SPOUT1: variants seen among roughly 807,000 people sequenced by gnomAD.
SPOUT1 encodes SPOUT domain containing methyltransferase 1.
In SPOUT1, 40 loss-of-function variants were observed where a neutral mutation model predicts 54.8. The observed-to-expected ratio is 0.73, with a 90% CI of 0.57 to 0.95. The LOEUF is 0.95. Among genes scored for constraint, SPOUT1 ranks in the 40% least tolerant of loss-of-function variants. The pLI, the probability that SPOUT1 is intolerant of heterozygous loss-of-function variation, is 0.00. For synonymous variants in SPOUT1, 193 were observed against 200.3 expected (o/e 0.96, Z 0.31); for missense variants, 437 against 499.5 (o/e 0.87, Z 1.19).
chr9:128,827,956 A>G (rs894232657), intron 3 of SPOUT1, among the ~76,000 whole-genome samples: 2 of 152,128 alleles, frequency 1.3e-5, no homozygotes, highest in African/African-American at 4.8e-5. Context: ...GCACATAGAT[A>G]ACATGGTTTC....
intron 3 of SPOUT1, among the ~76,000 whole-genome samples, chr9:128,828,400 G>A (rs1830281210): frequency 6.6e-6 from 1 of 152,074 alleles, no homozygotes; most frequent in South Asian, 2.1e-4. Context: ...GGGGGCCGAG[G>A]GAGGAAAATT....
At chr9:128,828,936 C>T in intron 2 of SPOUT1, 76 bp from the exon 3 acceptor site, 1 of 1,598,616 alleles carries the variant, frequency 6.3e-7, no homozygotes. Context: ...TGGAGAGCTG[C>T]TGGGTGAGCA....
At position 128,820,764 on chromosome 9, in the gene SPOUT1, G is replaced by A. The variant is rs1433290079; in HGVS notation, c.*2001C>T. 2 of 1,611,678 alleles carry A rather than the reference G, an allele frequency of 1.2e-6. No homozygotes were observed. The highest frequency in any genetic ancestry group is 1.7e-5 in the Admixed American group (1 of 59,676). ...GTGCCCCACCTCAACCAGAATGCCT[G>A]GAACAACCTGGAGAAATATAGCCGC... is the stretch of plus-strand genomic sequence containing the variant. On this transcript the variant is annotated 3_prime_UTR_variant, in exon 12 of 12. Transcript: ENST00000361256.
Position 128,824,870 on chromosome 9 carries a change from C to G in SPOUT1, c.713-1G>C, listed in dbSNP as rs1421353139. 3.1e-6 allele frequency: 5 copies of G among 1,612,902 alleles called. No homozygotes were observed. The highest frequency in any genetic ancestry group is 4.2e-6 in the Non-Finnish European group (5 of 1,178,962). On this transcript the variant is annotated splice_acceptor_variant, in intron 8 of 11. Coordinates refer to ENST00000361256, the MANE Select transcript of SPOUT1 (RefSeq NM_016390.4). LOFTEE classifies it high-confidence loss of function. ...ACTTTGCCATGGTAGGTCTTGCAGT[C>G]TGGAGGGGTAACAGAGTCTGTAAAG...
chr9:128,826,362 G>A lies in SPOUT1; in HGVS notation c.508+22C>T. The stretch of plus-strand genomic sequence containing the variant: ...GTGGCATGATCCAGGGGAAATGGGG[G>A]GGCGGGCCCATACAGCGTTACCTGC... On this transcript the variant is annotated intron_variant, in intron 6 of 11. Transcript: ENST00000361256. The surrounding 1 kb of genome is among the most constrained non-coding windows in gnomAD (Gnocchi z 5.5). 2.5e-6 allele frequency: 4 copies of A among 1,612,434 alleles called. No individual in the cohort carries two copies. The highest frequency in any genetic ancestry group is 2.5e-6 in the Non-Finnish European group (3 of 1,178,570).
At position 128,820,491 on chromosome 9, in the gene SPOUT1, C is replaced by T. The variant is rs1288446801; in HGVS notation, c.*2274G>A. The T allele has an allele frequency of 2.0e-6, 1 of 505,052 alleles. No individual in the cohort carries two copies. Among genetic ancestry groups the T allele is most frequent in the Non-Finnish European group, 3.6e-6 (1 of 281,266 alleles). 31.3% of individuals were successfully genotyped at this position (505,052 alleles called of 1,614,324 possible). A position where few individuals can be genotyped will look rare whatever the true frequency, so the allele number is the denominator to read the frequency against. On this transcript the variant is annotated 3_prime_UTR_variant, in exon 12 of 12. Transcript: ENST00000361256. ...GAAAGGTGGAGACAGGCTCTTCCTT[C>T]ATTCGACTCTTGGGAGCTGAGAAAA...
intron 10 of SPOUT1, 77 bp from the exon 11 acceptor site, chr9:128,823,971 C>A: frequency 1.3e-6 from 2 of 1,589,310 alleles, no homozygotes; most frequent in African/African-American, 1.3e-5. Flanking sequence ...TCAGTCCCTC[C>A]CCACCCCAGA....
intron 3 of SPOUT1, among the ~76,000 whole-genome samples, chr9:128,828,065 T>C (rs772919160): frequency 1.3e-5 from 2 of 152,262 alleles, no homozygotes; most frequent in Admixed American, 1.3e-4. Flanking sequence ...ATTGTTCCTG[T>C]CTTCTTTGTA....
intron 7 of SPOUT1, among the ~76,000 whole-genome samples, chr9:128,825,507 C>T (rs1830223681): frequency 6.6e-6 from 1 of 151,930 alleles, no homozygotes; most frequent in African/African-American, 2.4e-5. Flanking sequence ...CATTTTTGTA[C>T]TTTTATTAGA....
intron 7 of SPOUT1, 32 bp downstream of exon 7, chr9:128,825,977 GGGTGTGTCCTGGA>G: frequency 6.2e-7 from 1 of 1,612,548 alleles, no homozygotes; most frequent in East Asian, 2.2e-5. Context: ...TCCATTGCCA[GGGTGTGTCCTGGA>G]GGTGTGTCCT....
intron 11 of SPOUT1, among the ~76,000 whole-genome samples, chr9:128,823,212 T>C (rs1004311903): frequency 1.7e-4 from 26 of 152,138 alleles, no homozygotes; most frequent in African/African-American, 6.3e-4. Flanking sequence ...GGCAAGGCCT[T>C]AGGGATGGGT....
chr9:128,824,699 G>C lies in SPOUT1; in HGVS notation c.811+72C>G, dbSNP rs1353760081. The C allele has an allele frequency of 4.7e-6, 5 of 1,064,180 alleles. No individual in the cohort carries two copies. In the African/African-American group the frequency reaches 7.8e-5, roughly 17 times the overall value. The allele number at this position is 1,064,180 out of a possible 1,614,324, so 65.9% of individuals were successfully genotyped here. ...GGACAAAAACCCTGGTCTGATATTT[G>C]GGTCAGGCAAGGCTCCCGGCCACCT... is the stretch of plus-strand genomic sequence containing the variant. On this transcript the variant is annotated intron_variant, in intron 9 of 11. Coordinates refer to ENST00000361256, the MANE Select transcript of SPOUT1 (RefSeq NM_016390.4).
rs1481378232 is a variant in SPOUT1, at chr9:128,829,170, G to T, written c.37-15C>A. 7 of 1,612,186 alleles carry T rather than the reference G, an allele frequency of 4.3e-6. No homozygotes were observed. Among genetic ancestry groups the T allele is most frequent in the Non-Finnish European group, 5.9e-6 (7 of 1,178,214 alleles). On this transcript the variant is annotated splice_polypyrimidine_tract_variant and intron_variant, in intron 1 of 11. Coordinates refer to ENST00000361256, the MANE Select transcript of SPOUT1 (RefSeq NM_016390.4). The stretch of plus-strand genomic sequence containing the variant: ...CCGTGTTCACCCTGGAGAAGGAGTG[G>T]TAGGAGGATTATGAGTGTGAGGCTG...
intron 9 of SPOUT1, 29 bp from the exon 10 acceptor site, chr9:128,824,203 C>A (rs1361310694): frequency 3.6e-6 from 5 of 1,382,912 alleles, no homozygotes; most frequent in Non-Finnish European, 4.1e-6. Flanking sequence ...CAGTGCAGGT[C>A]CTGCTCCCCA....
chr9:128,823,636 C>A, intron 11 of SPOUT1, 111 bp downstream of exon 11: 1 of 979,192 alleles, frequency 1.0e-6, no homozygotes, highest in Non-Finnish European at 1.5e-6. Flanking sequence ...GGACCACCTC[C>A]AGACAAGGCA....
intron 3 of SPOUT1, among the ~76,000 whole-genome samples, chr9:128,827,934 A>C (rs928080720): frequency 2.0e-5 from 3 of 152,102 alleles, no homozygotes; most frequent in Non-Finnish European, 4.4e-5. Context: ...AACAAACAAA[A>C]AAGCCCAAGA....
chr9:128,820,923 T>C lies in SPOUT1; in HGVS notation c.*1842A>G. ...CCTACTGCCACTCACAGGGCCAGGC[T>C]TGCCCCAGGCTCTGGGTCAATACCA... is the stretch of plus-strand genomic sequence containing the variant. On this transcript the variant is annotated 3_prime_UTR_variant, in exon 12 of 12. Coordinates refer to ENST00000361256, the MANE Select transcript of SPOUT1 (RefSeq NM_016390.4). 6 of 1,375,038 alleles carry C rather than the reference T, an allele frequency of 4.4e-6. No individual in the cohort carries two copies. The highest frequency in any genetic ancestry group is 6.1e-6 in the Non-Finnish European group (6 of 988,234). The allele number at this position is 1,375,038 out of a possible 1,614,324, so 85.2% of individuals were successfully genotyped here. A position where few individuals can be genotyped will look rare whatever the true frequency, so the allele number is the denominator to read the frequency against.
Position 128,826,193 on chromosome 9 carries a change from G to C in SPOUT1, c.509-41C>G. The C allele has an allele frequency of 6.3e-7, 1 of 1,580,794 alleles. No homozygotes were observed. Among genetic ancestry groups the C allele is most frequent in the Non-Finnish European group, 8.6e-7 (1 of 1,163,164 alleles). On this transcript the variant is annotated intron_variant, in intron 6 of 11. Coordinates refer to ENST00000361256, the MANE Select transcript of SPOUT1 (RefSeq NM_016390.4). The surrounding 1 kb of genome is among the most constrained non-coding windows in gnomAD (Gnocchi z 5.5). The stretch of plus-strand genomic sequence containing the variant: ...CGGGAAGAGTCTGGGAAGTGCTAGG[G>C]CACACAGGGTGCAGTGGGGACCCTG...
Position 128,827,131 on chromosome 9 carries a change from G to A in SPOUT1, c.269C>T (p.Pro90Leu), listed in dbSNP as rs140099996. 184 of 1,613,936 alleles carry A rather than the reference G, an allele frequency of 1.1e-4. No homozygotes were observed. In the African/African-American group the frequency reaches 2.1e-3, roughly 19 times the overall value. Residue 90 changes from proline to leucine, a missense_variant, in exon 4 of 12, where the codon CCG becomes CTG. Transcript: ENST00000361256. ...ACCGGCCAAGTAGGTGCGAAGCTCC[G>A]GCGACTGAGCATTGTCCAGGATGGA... ...PGSILDNAQS[P>L]ELRTYLAGQI...
Sources: allele counts gnomAD v4.1 joint callset (sites outside exome capture counted in the v4.1 genomes callset), GRCh38; gene constraint gnomAD v4.1.1; non-coding constraint Gnocchi (gnomAD v3.1); transcripts MANE v1.5; gene names NCBI Gene and HGNC (gene_info 2026-07-23, HGNC 2026-07-21).